NRG3: variants seen among roughly 807,000 people sequenced by gnomAD.
The protein encoded by NRG3 is pro-neuregulin-3, membrane-bound isoform.
Under a neutral mutation model 66.9 loss-of-function variants are expected in NRG3, and 31 were observed. The observed-to-expected ratio is 0.46, with a 90% CI of 0.35 to 0.63. The LOEUF (loss-of-function observed/expected upper bound fraction) is 0.63. Ranked by LOEUF, NRG3 falls within the 20% of genes least tolerant of loss-of-function variation. The probability of loss-of-function intolerance (pLI) is 0.00; values close to 1 mark genes in which losing one functional copy is unlikely to be tolerated. For missense variants in NRG3, 910 were observed against 878.9 expected, an observed-to-expected ratio of 1.04 and a Z score of -0.45; for synonymous variants, 393 against 359.4, an observed-to-expected ratio of 1.09 and a Z score of -1.06.
chr10:82,165,749 T>C (rs2071997187), intron 1 of NRG3, among the ~76,000 whole-genome samples: 1 of 151,910 alleles, frequency 6.6e-6, no homozygotes, highest in Non-Finnish European at 1.5e-5. Context: ...TTTAGTATTT[T>C]ATGTTGCTAA....
At chr10:82,464,535 T>C (rs1338201077) in intron 2 of NRG3, among the ~76,000 whole-genome samples, 2 of 152,202 alleles carry the variant, frequency 1.3e-5, no homozygotes, top group African/African-American at 4.8e-5. Context: ...GTGGAGACAG[T>C]CTGAGAGTCA....
chr10:82,287,490 C>T (rs12262500), intron 1 of NRG3, among the ~76,000 whole-genome samples: 18,420 of 151,712 alleles, frequency 0.12, 2,885 homozygotes, highest in African/African-American at 0.35. Context: ...AATGGCCTAA[C>T]ACTCAGGGTG....
intron 2 of NRG3, among the ~76,000 whole-genome samples, chr10:82,429,147 C>A (rs768431649): frequency 3.9e-4 from 59 of 152,068 alleles, no homozygotes; most frequent in Middle Eastern, 3.4e-3. Context: ...TATTGACATA[C>A]AAATTCATTT....
chr10:82,331,922 G>T (rs1199928563), intron 1 of NRG3, among the ~76,000 whole-genome samples: 1 of 152,206 alleles, frequency 6.6e-6, no homozygotes, highest in Non-Finnish European at 1.5e-5. Flanking sequence ...GTGCATGAGC[G>T]AGAGCAGAGG....
intron 6 of NRG3, among the ~76,000 whole-genome samples, chr10:82,961,183 G>A (rs1350084125): frequency 6.6e-6 from 1 of 152,064 alleles, no homozygotes; most frequent in Non-Finnish European, 1.5e-5. Flanking sequence ...TGTAAGAAAC[G>A]CTTAGGTATA....
chr10:81,894,228 C>A (rs769631137), intron 1 of NRG3, among the ~76,000 whole-genome samples: 5 of 152,134 alleles, frequency 3.3e-5, no homozygotes, highest in African/African-American at 4.8e-5. Flanking sequence ...GTAGTCCCAG[C>A]TCCTCATGAG....
chr10:82,062,853 G>T (rs2064236705), intron 1 of NRG3, among the ~76,000 whole-genome samples: 1 of 152,132 alleles, frequency 6.6e-6, no homozygotes, highest in Admixed American at 6.5e-5. Flanking sequence ...TTTCCTTGCT[G>T]TGTATTCAGA....
Position 82,150,032 on chromosome 10 carries a change from G to C in NRG3, c.824-208707G>C, listed in dbSNP as rs560901910. 9.9e-5 allele frequency among the ~76,000 whole-genome samples: 15 copies of C among 152,174 alleles called. No homozygotes were observed. The South Asian group carries it at 2.9e-3, about 29-fold the overall frequency. On this transcript the variant is annotated intron_variant, in intron 1 of 8. Coordinates refer to ENST00000372141, the MANE Select transcript of NRG3 (RefSeq NM_001010848.4). The stretch of plus-strand genomic sequence containing the variant: ...GTTTATAGGCAGGGCTGATTTTCAG[G>C]GGGGAGTGCACCCATCTGGACTCCC...
rs5786567 is a variant in NRG3, at chr10:82,720,810, C to CATATATATATATATATATATATATATAT, written c.954-17762_954-17735dup. Among the ~76,000 whole-genome samples the CATATATATATATATATATATATATATAT allele has an allele frequency of 1.5e-4, 17 of 114,732 alleles. 1 individual carries two copies. The highest frequency in any genetic ancestry group is 4.4e-4 in the African/African-American group (10 of 22,856). The allele number at this position is 114,732 out of a possible 152,430, so 75.3% of individuals were successfully genotyped here. On this transcript the variant is annotated intron_variant, in intron 2 of 8. Transcript: ENST00000372141. The stretch of plus-strand genomic sequence containing the variant: ...AACACATATATAGGAGTATTTTATA[C>CATATATATATATATATATATATATATAT]ATATATATATATATATATATATATA...
intron 2 of NRG3, among the ~76,000 whole-genome samples, chr10:82,528,762 TC>T (rs1411421931): frequency 6.6e-6 from 1 of 152,196 alleles, no homozygotes; most frequent in Non-Finnish European, 1.5e-5. Context: ...TTGGCTTTTT[TC>T]TATTAGTGAG....
intron 2 of NRG3, among the ~76,000 whole-genome samples, chr10:82,495,617 C>G (rs1223673388): frequency 6.6e-6 from 1 of 152,044 alleles, no homozygotes; most frequent in Non-Finnish European, 1.5e-5. Context: ...GTGGAATATC[C>G]TTCTTCCACA....
intron 1 of NRG3, among the ~76,000 whole-genome samples, chr10:81,891,608 A>G (rs1322953076): frequency 6.6e-6 from 1 of 152,082 alleles, no homozygotes; most frequent in East Asian, 1.9e-4. Context: ...CCTTTGCGCA[A>G]TCTTGGTATT....
At chr10:82,579,772 CATGCAGA>C (rs1318654327) in intron 2 of NRG3, among the ~76,000 whole-genome samples, 16 of 151,938 alleles carry the variant, frequency 1.1e-4, no homozygotes, top group African/African-American at 3.6e-4. Flanking sequence ...TTTCTGAAGT[CATGCAGA>C]ATCTGTTCAT....
chr10:82,067,442 G>T (rs551859529), intron 1 of NRG3, among the ~76,000 whole-genome samples: 1 of 152,140 alleles, frequency 6.6e-6, no homozygotes, highest in Non-Finnish European at 1.5e-5. Flanking sequence ...TTCTCTCCCC[G>T]GTTCAAGCCA....
chr10:82,626,474 T>C (rs190221188), intron 2 of NRG3, among the ~76,000 whole-genome samples: 10 of 152,166 alleles, frequency 6.6e-5, no homozygotes, highest in Admixed American at 2.0e-4. Context: ...CACCCACATA[T>C]TGTGTCATTA....
chr10:82,379,916 A>AG (rs941250930), intron 2 of NRG3, among the ~76,000 whole-genome samples: 3 of 150,122 alleles, frequency 2.0e-5, no homozygotes, highest in African/African-American at 7.5e-5. Context: ...AATCCAAAAA[A>AG]AAAAAAAAAG....
At chr10:82,415,022 C>A (rs1388980201) in intron 2 of NRG3, among the ~76,000 whole-genome samples, 1 of 152,060 alleles carries the variant, frequency 6.6e-6, no homozygotes, top group East Asian at 1.9e-4. Context: ...CTATAAAATA[C>A]CTTATTAGCA....
At chr10:82,521,156 T>C (rs1173188121) in intron 2 of NRG3, among the ~76,000 whole-genome samples, 13 of 151,902 alleles carry the variant, frequency 8.6e-5, no homozygotes, top group Admixed American at 7.9e-4. Flanking sequence ...ATACTGTCGT[T>C]TATTAAATGT....
chr10:82,080,109 GC>G (rs1191641812), intron 1 of NRG3, among the ~76,000 whole-genome samples: 4 of 152,180 alleles, frequency 2.6e-5, no homozygotes, highest in Non-Finnish European at 5.9e-5. Context: ...CATGGACTTT[GC>G]GTGGGCCTGA....
Sources: allele counts gnomAD v4.1 joint callset (sites outside exome capture counted in the v4.1 genomes callset), GRCh38; gene constraint gnomAD v4.1.1; transcripts MANE v1.5; gene names NCBI Gene and HGNC (gene_info 2026-07-23, HGNC 2026-07-21).